The following PTPRD variants were observed in gnomAD, a reference collection of about 807,000 sequenced individuals.
PTPRD encodes the protein receptor-type tyrosine-protein phosphatase delta.
In PTPRD, 34 loss-of-function variants were observed where a neutral mutation model predicts 214.5. The observed-to-expected ratio is 0.16, with a 90% confidence interval of 0.12 to 0.21. The LOEUF (loss-of-function observed/expected upper bound fraction) is 0.21, where lower values mean the gene tolerates loss of function less well. Among genes scored for constraint, PTPRD ranks in the 10% least tolerant of loss-of-function variants. PTPRD has a pLI of 1.00. For missense variants in PTPRD, 2,545 were observed against 2,398.7 expected, an observed-to-expected ratio of 1.06 and a Z score of -1.27; for synonymous variants, 1,128 against 845.7, an observed-to-expected ratio of 1.33 and a Z score of -5.79.
intron 36 of PTPRD, among the ~76,000 whole-genome samples, chr9:8,395,161 A>T (rs965780175): frequency 6.6e-6 from 1 of 152,142 alleles, no homozygotes. Flanking sequence ...GCTTTTTGGC[A>T]AACAAGTTTG....
At chr9:9,384,637 C>G (rs1006009143) in intron 9 of PTPRD, among the ~76,000 whole-genome samples, 1 of 151,746 alleles carries the variant, frequency 6.6e-6, no homozygotes, top group Non-Finnish European at 1.5e-5. Flanking sequence ...TGATTGCTTT[C>G]TTACCCTGGT....
intron 8 of PTPRD, among the ~76,000 whole-genome samples, chr9:9,434,970 G>C (rs2084653590): frequency 6.6e-6 from 1 of 150,812 alleles, no homozygotes; most frequent in Admixed American, 6.6e-5. Context: ...TCTCTTCATA[G>C]AATTCTTTGT....
chr9:9,701,076 T>C (rs1411438559), intron 7 of PTPRD, among the ~76,000 whole-genome samples: 1 of 151,852 alleles, frequency 6.6e-6, no homozygotes, highest in African/African-American at 2.4e-5. Flanking sequence ...ATTCCCCCTG[T>C]TGGAATATGT....
At chr9:10,079,513 T>A (rs1258988297) in intron 3 of PTPRD, among the ~76,000 whole-genome samples, 1 of 152,052 alleles carries the variant, frequency 6.6e-6, no homozygotes, top group African/African-American at 2.4e-5. Context: ...ACATGGCTCT[T>A]TTTCACCATG....
At chr9:9,567,643 A>G (rs952364412) in intron 8 of PTPRD, among the ~76,000 whole-genome samples, 1 of 152,002 alleles carries the variant, frequency 6.6e-6, no homozygotes, top group African/African-American at 2.4e-5. Context: ...AATAACTATA[A>G]CAGATACCAC....
intron 4 of PTPRD, among the ~76,000 whole-genome samples, chr9:9,979,480 T>C (rs1184193853): frequency 6.6e-6 from 1 of 152,018 alleles, no homozygotes; most frequent in African/African-American, 2.4e-5. Flanking sequence ...AATATACTCT[T>C]ATTTTTTGAA....
Position 8,900,393 on chromosome 9 carries a change from C to A in PTPRD, c.-104+118304G>T, listed in dbSNP as rs116161232. ...CTAGAGTTTTCAAGAGTTTTAATTG[C>A]TCATCTAAAAACTGTAATAAAATGG... is the stretch of plus-strand genomic sequence containing the variant. On this transcript the variant is annotated intron_variant, in intron 11 of 45. Coordinates refer to ENST00000381196, the MANE Select transcript of PTPRD (RefSeq NM_002839.4). 3.1e-3 allele frequency among the ~76,000 whole-genome samples: 469 copies of A among 152,220 alleles called. 3 individuals are homozygous for A. The highest frequency in any genetic ancestry group is 0.011 in the African/African-American group (455 of 41,536).
intron 11 of PTPRD, among the ~76,000 whole-genome samples, chr9:8,862,975 G>A (rs1237311825): frequency 2.6e-5 from 4 of 152,290 alleles, no homozygotes; most frequent in East Asian, 1.9e-4. Context: ...TAGATGACGC[G>A]TTAGTGGGTG....
chr9:8,389,972 C>G (rs1479597499), intron 36 of PTPRD, among the ~76,000 whole-genome samples: 1 of 152,124 alleles, frequency 6.6e-6, no homozygotes, highest in African/African-American at 2.4e-5. Context: ...GAAACTTGAG[C>G]AAGTTGCTCA....
In PTPRD at chr9:10,203,172, T is replaced by C. The variant is rs1474351048; in HGVS notation, c.-545+137791A>G. 1.7e-4 allele frequency among the ~76,000 whole-genome samples: 26 copies of C among 149,886 alleles called. No homozygotes were observed. The East Asian group carries it at 4.5e-3, about 26-fold the overall frequency. On this transcript the variant is annotated intron_variant, in intron 3 of 45. Transcript: ENST00000381196. ...TTACTGTCTTCTCCCTCTCTCTCTT[T>C]TTTTTTTTTTTTTTTAATGTGAATT...
chr9:9,391,356 A>G (rs904323767), intron 9 of PTPRD, among the ~76,000 whole-genome samples: 1 of 152,192 alleles, frequency 6.6e-6, no homozygotes. Context: ...GTGATTATCA[A>G]AATAAAAGAA....
At chr9:9,660,181 G>A (rs1247992571) in intron 7 of PTPRD, among the ~76,000 whole-genome samples, 1 of 151,938 alleles carries the variant, frequency 6.6e-6, no homozygotes, top group Non-Finnish European at 1.5e-5. Flanking sequence ...AGATAAATGA[G>A]AGCAGATAAA....
intron 8 of PTPRD, among the ~76,000 whole-genome samples, chr9:9,484,368 T>C (rs565439276): frequency 6.6e-6 from 1 of 152,186 alleles, no homozygotes; most frequent in East Asian, 1.9e-4. Context: ...AGAATCAGCA[T>C]AGTAGTTAGT....
chr9:9,827,335 C>T lies in PTPRD; in HGVS notation c.-367-60484G>A, dbSNP rs532567389. Among the ~76,000 whole-genome samples the T allele has an allele frequency of 1.1e-4, 16 of 152,094 alleles. No homozygotes were observed. In the East Asian group the frequency reaches 3.1e-3, roughly 29 times the overall value. On this transcript the variant is annotated intron_variant, in intron 5 of 45. Transcript: ENST00000381196. The stretch of plus-strand genomic sequence containing the variant: ...TATAGACCAATGGAACAGAACAGAG[C>T]CCTCAGAAATAATGCCGCATATCTA...
intron 37 of PTPRD, among the ~76,000 whole-genome samples, chr9:8,378,067 T>A (rs2083799201): frequency 6.6e-6 from 1 of 152,118 alleles, no homozygotes; most frequent in African/African-American, 2.4e-5. Context: ...TTCCTATGCC[T>A]TGATTTCAAC....
intron 2 of PTPRD, among the ~76,000 whole-genome samples, chr9:10,588,789 T>C (rs1567087644): frequency 6.6e-6 from 1 of 151,958 alleles, no homozygotes; most frequent in Non-Finnish European, 1.5e-5. Flanking sequence ...TTAGCAAAAG[T>C]CTCTCTGGCC....
intron 3 of PTPRD, among the ~76,000 whole-genome samples, chr9:10,169,335 G>T (rs953138407): frequency 6.6e-6 from 1 of 151,480 alleles, no homozygotes; most frequent in Admixed American, 6.6e-5. Context: ...TTAGCCGGGC[G>T]TGGTGGCGGG....
At chr9:8,840,453 G>C (rs553118031) in intron 11 of PTPRD, among the ~76,000 whole-genome samples, 1 of 152,162 alleles carries the variant, frequency 6.6e-6, no homozygotes, top group Non-Finnish European at 1.5e-5. Context: ...ACATGGAATT[G>C]CAAGTCTATT....
At chr9:9,660,493 T>C (rs1006119906) in intron 7 of PTPRD, among the ~76,000 whole-genome samples, 2 of 152,102 alleles carry the variant, frequency 1.3e-5, no homozygotes, top group Middle Eastern at 3.4e-3. Context: ...TTTCAAGACA[T>C]AGATGTGGGT....
Sources: gnomAD v4.1 joint callset for allele counts (sites outside exome capture counted in the v4.1 genomes callset) on GRCh38, gnomAD v4.1.1 for gene constraint, MANE v1.5 for transcripts, NCBI Gene and HGNC (gene_info 2026-07-23, HGNC 2026-07-21) for gene names.